The following FKBP1A variants were observed in gnomAD, a reference collection of about 807,000 sequenced individuals.
The protein encoded by FKBP1A is FKBP prolyl isomerase 1A, also known as peptidyl-prolyl cis-trans isomerase FKBP1A.
Under a neutral mutation model 14.2 loss-of-function variants are expected in FKBP1A, and 5 were observed. The observed-to-expected ratio is 0.35, with a 90% CI of 0.18 to 0.74. FKBP1A has a LOEUF of 0.74. FKBP1A is among the 30% of genes least tolerant of loss of function. FKBP1A has a pLI of 0.56. For synonymous variants in FKBP1A, 42 were observed against 49.1 expected (o/e 0.86, Z 0.60); for missense variants, 53 against 138.8 (o/e 0.38, Z 3.10).
intron 4 of FKBP1A, chr20:1,371,669 CTTTT>C: frequency 1.0e-6 from 1 of 953,856 alleles, no homozygotes; most frequent in Non-Finnish European, 1.2e-6. Context: ...ATCCAAAGGG[CTTTT>C]TTTTTCCCCC....
At chr20:1,387,715 C>A (rs2089683042) in intron 2 of FKBP1A, among the ~76,000 whole-genome samples, 1 of 151,966 alleles carries the variant, frequency 6.6e-6, no homozygotes, top group Non-Finnish European at 1.5e-5. Flanking sequence ...GTGGCATGCA[C>A]CTGTATGCCC....
intron 2 of FKBP1A, among the ~76,000 whole-genome samples, chr20:1,383,260 A>T (rs1271692890): frequency 6.6e-6 from 1 of 152,038 alleles, no homozygotes; most frequent in Non-Finnish European, 1.5e-5. Flanking sequence ...ATGACTCACA[A>T]TGCAGTTTAT....
intron 3 of FKBP1A, among the ~76,000 whole-genome samples, chr20:1,372,605 G>A (rs1174869661): frequency 6.6e-6 from 1 of 152,092 alleles, no homozygotes; most frequent in African/African-American, 2.4e-5. Flanking sequence ...CATGTTAAGT[G>A]CCATCTATGC....
At chr20:1,375,232 A>T in intron 3 of FKBP1A, 1 of 571,650 alleles carries the variant, frequency 1.7e-6, no homozygotes, top group East Asian at 2.9e-5. Context: ...AAGTGTCAAA[A>T]ATGCATTAAG....
chr20:1,378,493 T>C (rs2089578148), intron 2 of FKBP1A: 1 of 152,168 alleles, frequency 6.6e-6, no homozygotes. Context: ...GCACAGAATG[T>C]ACACCACCAA....
rs6109711 is a variant in FKBP1A at position 1,382,205 on chromosome 20, G to A, written c.86-6602C>T. 6.5e-3 allele frequency among the ~76,000 whole-genome samples: 994 copies of A among 152,246 alleles called. 18 individuals are homozygous for A. Among genetic ancestry groups the A allele is most frequent in the African/African-American group, 0.023 (964 of 41,536 alleles). ...CCAATTTTAACTCTGGAGATCACTT[G>A]TGCCAGGAGCTGGAGCCCTTGAACA... On this transcript the variant is annotated intron_variant, in intron 2 of 4. Coordinates refer to ENST00000400137, the MANE Select transcript of FKBP1A (RefSeq NM_000801.5).
intron 4 of FKBP1A, chr20:1,370,399 A>AG (rs748632557): frequency 8.6e-5 from 85 of 983,758 alleles, no homozygotes; most frequent in Admixed American, 6.8e-4. Flanking sequence ...TGCTACATAT[A>AG]GGCATCACCT....
chr20:1,370,081 G>T lies in FKBP1A; in HGVS notation c.*37-9C>A. The T allele has an allele frequency of 6.5e-7, 1 of 1,547,566 alleles. No individual in the cohort carries two copies. Among genetic ancestry groups the T allele is most frequent in the Non-Finnish European group, 8.7e-7 (1 of 1,146,854 alleles). On this transcript the variant is annotated splice_polypyrimidine_tract_variant and intron_variant, in intron 4 of 4. Coordinates refer to ENST00000400137, the MANE Select transcript of FKBP1A (RefSeq NM_000801.5). ...ATCCCTCCATGGCAGATCTGTTGGG[G>T]ACAGAAAATCTGTGAGTTTCCAGCA... is the stretch of plus-strand genomic sequence containing the variant.
At position 1,392,847 on chromosome 20, in the gene FKBP1A, C is replaced by A; in HGVS notation, c.72G>T (p.Val24=). 1 of 1,533,850 alleles carries A rather than the reference C, an allele frequency of 6.5e-7. No individual in the cohort carries two copies. Among genetic ancestry groups the A allele is most frequent in the Non-Finnish European group, 8.8e-7 (1 of 1,140,282 alleles). ...CCCCCGACTCACCGGTGTAGTGCAC[C>A]ACGCAGGTCTGGCCGCGCTTGGGGA... ...RTFPKRGQTC[V]VHYTGMLEDG... is the part of the protein sequence containing the mutation. The change falls in exon 2 of 5, where the codon GTG becomes GTT. Residue 24 remains valine, a synonymous_variant. Coordinates refer to ENST00000400137, the MANE Select transcript of FKBP1A (RefSeq NM_000801.5).
rs780832703 is a variant in FKBP1A, at chr20:1,386,766, C to G, written c.85+6068G>C. On this transcript the variant is annotated intron_variant, in intron 2 of 4. Coordinates refer to ENST00000400137, the MANE Select transcript of FKBP1A (RefSeq NM_000801.5). This position sits in a 1 kb window ranked among gnomAD's most constrained non-coding sequence, Gnocchi z 4.7. ...GCTTGAGCTCCTGGGAGAGGAAGAGCAAATGTAACAGAAAGAGACAGTAGC... is the reference window on the plus strand; with the variant it reads ...GCTTGAGCTCCTGGGAGAGGAAGAGGAAATGTAACAGAAAGAGACAGTAGC... Among the ~76,000 whole-genome samples, 8 of 152,120 alleles carry G rather than the reference C, an allele frequency of 5.3e-5. No individual in the cohort carries two copies. Among genetic ancestry groups the G allele is most frequent in the Non-Finnish European group, 1.2e-4 (8 of 68,034 alleles).
intron 4 of FKBP1A, chr20:1,371,131 CTGTG>C (rs1600322249): frequency 1.0e-6 from 1 of 985,442 alleles, no homozygotes; most frequent in East Asian, 1.1e-4. Flanking sequence ...CAGGCCTTGG[CTGTG>C]ACCCTCTGGT....
At position 1,390,010 on chromosome 20, in the gene FKBP1A, T is replaced by A. The variant is rs563129147; in HGVS notation, c.85+2824A>T. ...CATTCCTTTGAGGCCTTGCTCATGC[T>A]GTGCTCTGCCAGAAGGTCACGGAAG... On this transcript the variant is annotated intron_variant, in intron 2 of 4. Transcript: ENST00000400137. Among the ~76,000 whole-genome samples, 6 of 152,344 alleles carry A rather than the reference T, an allele frequency of 3.9e-5. No homozygotes were observed. The East Asian group carries it at 1.2e-3, about 29-fold the overall frequency.
intron 2 of FKBP1A, among the ~76,000 whole-genome samples, chr20:1,382,626 C>T (rs955331421): frequency 6.6e-5 from 10 of 152,168 alleles, no homozygotes; most frequent in African/African-American, 2.4e-4. Flanking sequence ...GAAGGACAAG[C>T]ATGAGGCCTT....
rs894911795 is a variant in FKBP1A at position 1,392,900 on chromosome 20, G to A, written c.38-19C>T. 2.6e-6 allele frequency: 4 copies of A among 1,510,374 alleles called. No homozygotes were observed. The highest frequency in any genetic ancestry group is 1.2e-5 in the South Asian group (1 of 82,682). 93.6% of individuals were successfully genotyped at this position (1,510,374 alleles called of 1,614,324 possible). A position where few individuals can be genotyped will look rare whatever the true frequency, so the allele number is the denominator to read the frequency against. Reference sequence around the variant, plus strand: ...GTGCGCCCTGAGGAGACAGAGACGGGCATGCTGAGCCGATGCGCGCGGCGG... The same window carrying A: ...GTGCGCCCTGAGGAGACAGAGACGGACATGCTGAGCCGATGCGCGCGGCGG... On this transcript the variant is annotated intron_variant, in intron 1 of 4. Coordinates refer to ENST00000400137, the MANE Select transcript of FKBP1A (RefSeq NM_000801.5).
At chr20:1,392,763 C>T (rs941537183) in intron 2 of FKBP1A, 71 bp downstream of exon 2, 1 of 1,237,162 alleles carries the variant, frequency 8.1e-7, no homozygotes, top group Non-Finnish European at 1.1e-6. Flanking sequence ...GGCCCCCAGG[C>T]CTCGACGGCC....
chr20:1,392,779 C>T, intron 2 of FKBP1A, 55 bp downstream of exon 2: 1 of 1,388,034 alleles, frequency 7.2e-7, no homozygotes, highest in Non-Finnish European at 9.5e-7. Flanking sequence ...CGGCCAGCCG[C>T]ACCCGGGCTG....
chr20:1,392,838 G>A lies in FKBP1A; in HGVS notation c.81C>T (p.Tyr27=). The A allele has an allele frequency of 2.0e-6, 3 of 1,529,144 alleles. No homozygotes were observed. Among genetic ancestry groups the A allele is most frequent in the Non-Finnish European group, 2.6e-6 (3 of 1,138,406 alleles). 94.7% of individuals were successfully genotyped at this position (1,529,144 alleles called of 1,614,324 possible). ...CCCGCTGGGCCCCCGACTCACCGGTGTAGTGCACCACGCAGGTCTGGCCGC... is the reference window on the plus strand; with the variant it reads ...CCCGCTGGGCCCCCGACTCACCGGTATAGTGCACCACGCAGGTCTGGCCGC... ...PKRGQTCVVH[Y]TGMLEDGKKF... Residue 27 remains tyrosine (Y), a synonymous_variant, in exon 2 of 5, where the codon TAC becomes TAT. Coordinates refer to ENST00000400137, the MANE Select transcript of FKBP1A (RefSeq NM_000801.5).
In FKBP1A at chr20:1,379,862, G is replaced by A. The variant is rs566126830; in HGVS notation, c.86-4259C>T. 7.9e-5 allele frequency among the ~76,000 whole-genome samples: 12 copies of A among 152,232 alleles called. No homozygotes were observed. Among genetic ancestry groups the A allele is most frequent in the Non-Finnish European group, 1.5e-4 (10 of 68,046 alleles). ...GACAAGGAGAAGGAGGGCTTCCCCA[G>A]TGGGGAGGAACAGGCCACTTATCTA... On this transcript the variant is annotated intron_variant, in intron 2 of 4. Transcript: ENST00000400137. The surrounding 1 kb of genome is among the most constrained non-coding windows in gnomAD (Gnocchi z 4.3).
At chr20:1,370,093 G>C in intron 4 of FKBP1A, 21 bp from the exon 5 acceptor site, 1 of 1,545,790 alleles carries the variant, frequency 6.5e-7, no homozygotes, top group Non-Finnish European at 8.7e-7. Context: ...CAGAAAATCT[G>C]TGAGTTTCCA....
Sources: gnomAD v4.1 joint callset for allele counts (sites outside exome capture counted in the v4.1 genomes callset) on GRCh38, gnomAD v4.1.1 for gene constraint, Gnocchi (gnomAD v3.1) non-coding constraint, MANE v1.5 for transcripts, NCBI Gene and HGNC (gene_info 2026-07-23, HGNC 2026-07-21) for gene names.